TENM2: variants seen among roughly 807,000 people sequenced by gnomAD.
The protein encoded by TENM2 is teneurin-2.
Under a neutral mutation model 245.2 loss-of-function variants are expected in TENM2, and 52 were observed. The ratio of observed to expected loss-of-function variants is 0.21; its 90% confidence interval spans 0.17 to 0.27. TENM2 has a LOEUF of 0.27. TENM2 is among the 10% of genes least tolerant of loss of function. The probability of loss-of-function intolerance (pLI) is 1.00; values close to 1 mark genes in which losing one functional copy is unlikely to be tolerated. For synonymous variants in TENM2, 1,363 were observed against 1,438.9 expected (o/e 0.95, Z 1.19); for missense variants, 3,046 against 3,666.8 (o/e 0.83, Z 4.37).
chr5:167,690,995 T>C (rs1031527983), intron 2 of TENM2, among the ~76,000 whole-genome samples: 17 of 148,404 alleles, frequency 1.1e-4, no homozygotes, highest in African/African-American at 4.2e-4. Flanking sequence ...ATATAAGCAA[T>C]GAAATGCTAG....
At chr5:168,245,381 C>T (rs998440903) in intron 26 of TENM2, among the ~76,000 whole-genome samples, 20 of 152,134 alleles carry the variant, frequency 1.3e-4, no homozygotes, top group Non-Finnish European at 2.1e-4. Context: ...TGCAGTGATT[C>T]ATTTCTGTCT....
the TENM2 span, among the ~76,000 whole-genome samples, chr5:167,026,053 A>G: frequency 4.7e-4 from 72 of 152,048 alleles, 1 homozygote; most frequent in African/African-American, 1.7e-3. Context: ...AAGCTCCCCC[A>G]CTAAACAAGA....
chr5:167,446,038 C>T (rs1405816954), intron 2 of TENM2, among the ~76,000 whole-genome samples: 1 of 152,050 alleles, frequency 6.6e-6, no homozygotes, highest in Non-Finnish European at 1.5e-5. Context: ...TAGTGATAAG[C>T]TGGGCAATGG....
rs192681076 is a variant in TENM2, at chr5:168,007,084, C to T, written c.1186+13902C>T. On this transcript the variant is annotated intron_variant, in intron 5 of 28. Coordinates refer to ENST00000518659, the Ensembl canonical transcript of TENM2. ...TCAGCTATCTGAGTTTTTCCCAACTCAGGAACTCACAAATCAGCACATGTA... is the reference window on the plus strand; with the variant it reads ...TCAGCTATCTGAGTTTTTCCCAACTTAGGAACTCACAAATCAGCACATGTA... Among the ~76,000 whole-genome samples the T allele has an allele frequency of 2.5e-3, 384 of 152,138 alleles. 2 individuals carry two copies. Among genetic ancestry groups the T allele is most frequent in the African/African-American group, 8.9e-3 (370 of 41,496 alleles).
intron 1 of TENM2, among the ~76,000 whole-genome samples, chr5:167,374,128 C>T (rs1335920416): frequency 2.0e-5 from 3 of 152,160 alleles, no homozygotes; most frequent in Admixed American, 6.5e-5. Context: ...CATATACATA[C>T]CTAACATAAC....
intron 1 of TENM2, among the ~76,000 whole-genome samples, chr5:167,367,893 A>G (rs1760158835): frequency 6.6e-6 from 1 of 152,086 alleles, no homozygotes; most frequent in African/African-American, 2.4e-5. Context: ...AATCACTTCA[A>G]TTTCTTTGAT....
chr5:167,197,238 C>G, the TENM2 span, among the ~76,000 whole-genome samples: 7 of 152,072 alleles, frequency 4.6e-5, no homozygotes, highest in African/African-American at 1.7e-4. Context: ...AGCCAGGGTT[C>G]AAACCCACAG....
chr5:168,247,409 A>G lies in TENM2; in HGVS notation c.6470A>G (p.His2157Arg). Residue 2157 changes from histidine (H) to arginine (R), a missense_variant, in exon 27 of 29, where the codon CAT (histidine) becomes CGT (arginine). His to Arg is a conservative substitution (Grantham distance 29). Transcript: ENST00000518659. This position sits in a 1 kb window ranked among gnomAD's most constrained non-coding sequence, Gnocchi z 7.8. ...ACCCTCAGCAAACACTTCGACACCC[A>G]TGGGCGGATCAAGGAGGTCCAGTAT... is the stretch of plus-strand genomic sequence containing the variant. 1 of 1,613,956 alleles carries G rather than the reference A, an allele frequency of 6.2e-7. No individual in the cohort carries two copies. Among genetic ancestry groups the G allele is most frequent in the South Asian group, 1.1e-5 (1 of 91,082 alleles).
At chr5:167,212,736 G>A in the TENM2 span, among the ~76,000 whole-genome samples, 4 of 152,086 alleles carry the variant, frequency 2.6e-5, no homozygotes, top group East Asian at 3.9e-4. Context: ...TTTCCAGCTC[G>A]GATTTTCAAA....
At chr5:167,429,556 C>T (rs1032428901) in intron 2 of TENM2, among the ~76,000 whole-genome samples, 2 of 149,540 alleles carry the variant, frequency 1.3e-5, no homozygotes, top group African/African-American at 4.9e-5. Context: ...TGGGGAGAGC[C>T]GTGGAGGTCA....
intron 13 of TENM2, among the ~76,000 whole-genome samples, chr5:168,176,116 C>T (rs1427353288): frequency 6.6e-6 from 1 of 152,228 alleles, no homozygotes; most frequent in Non-Finnish European, 1.5e-5. Context: ...CCACTCAGAT[C>T]ATGCCAACAA....
chr5:167,348,665 G>C (rs1207400728), intron 1 of TENM2, among the ~76,000 whole-genome samples: 1 of 152,212 alleles, frequency 6.6e-6, no homozygotes, highest in Non-Finnish European at 1.5e-5. Flanking sequence ...TTTTTACCCT[G>C]ATGGTTAACA....
intron 13 of TENM2, among the ~76,000 whole-genome samples, chr5:168,180,069 C>T (rs894762289): frequency 6.6e-6 from 1 of 152,128 alleles, no homozygotes. Flanking sequence ...TTGTGTTGGG[C>T]CTGATCACCA....
At chr5:167,438,336 T>G (rs543085797) in intron 2 of TENM2, among the ~76,000 whole-genome samples, 1 of 152,324 alleles carries the variant, frequency 6.6e-6, no homozygotes, top group South Asian at 2.1e-4. Context: ...AAAGTGCATG[T>G]AGGCACTTCA....
chr5:167,766,130 G>A (rs913335394), intron 2 of TENM2, among the ~76,000 whole-genome samples: 6 of 152,300 alleles, frequency 3.9e-5, no homozygotes, highest in Admixed American at 6.5e-5. Context: ...AAGAAATCAC[G>A]AGGAGGGGAG....
chr5:167,094,712 T>C, the TENM2 span, among the ~76,000 whole-genome samples: 1 of 152,188 alleles, frequency 6.6e-6, no homozygotes, highest in Non-Finnish European at 1.5e-5. Flanking sequence ...GTTGATTTTC[T>C]TATCCCTTTG....
At chr5:167,617,606 G>A (rs1052774876) in intron 2 of TENM2, among the ~76,000 whole-genome samples, 12 of 152,064 alleles carry the variant, frequency 7.9e-5, no homozygotes, top group East Asian at 1.9e-4. Flanking sequence ...ATATTCTGTC[G>A]TTCTACCTCT....
chr5:167,556,444 CTG>C (rs1773266141), intron 2 of TENM2, among the ~76,000 whole-genome samples: 1 of 125,804 alleles, frequency 7.9e-6, no homozygotes, highest in African/African-American at 2.8e-5. Flanking sequence ...ATATATGTAT[CTG>C]TCACATCAAA....
intron 3 of TENM2, among the ~76,000 whole-genome samples, chr5:167,905,699 G>A (rs1776039097): frequency 2.0e-5 from 3 of 152,126 alleles, no homozygotes; most frequent in Non-Finnish European, 2.9e-5. Context: ...TGGAGAAAAT[G>A]ACATTATCTG....
Sources: allele counts gnomAD v4.1 joint callset (sites outside exome capture counted in the v4.1 genomes callset), GRCh38; gene constraint gnomAD v4.1.1; non-coding constraint Gnocchi (gnomAD v3.1); transcripts MANE v1.5; gene names NCBI Gene and HGNC (gene_info 2026-07-23, HGNC 2026-07-21).